The following PPP3R1 variants were observed in gnomAD, a reference collection of about 807,000 sequenced individuals.
PPP3R1 encodes protein phosphatase 3 regulatory subunit B, alpha.
In PPP3R1, 5 loss-of-function variants were observed where a neutral mutation model predicts 22.6. The observed-to-expected ratio is 0.22, with a 90% CI of 0.12 to 0.46. The LOEUF (loss-of-function observed/expected upper bound fraction) is 0.46. Among genes scored for constraint, PPP3R1 ranks in the 20% least tolerant of loss-of-function variants. The pLI, the probability that PPP3R1 is intolerant of heterozygous loss-of-function variation, is 0.99. For missense variants in PPP3R1, 61 were observed against 203.2 expected, an observed-to-expected ratio of 0.30 and a Z score of 4.25; for synonymous variants, 56 against 65.2, an observed-to-expected ratio of 0.86 and a Z score of 0.68.
chr2:68,196,199 A>G lies in PPP3R1; in HGVS notation c.44-7509T>C, dbSNP rs547059675. On this transcript the variant is annotated intron_variant, in intron 2 of 5. Transcript: ENST00000234310. ...CCTCATAGTGTTATCAACAGAAGTT[A>G]CTGAGAAGTTTTTCAACATAAAGAT... is the stretch of plus-strand genomic sequence containing the variant. Among the ~76,000 whole-genome samples, 153 of 152,344 alleles carry G rather than the reference A, an allele frequency of 1.0e-3. 1 individual carries two copies. Among genetic ancestry groups the G allele is most frequent in the South Asian group, 3.9e-3 (19 of 4,832 alleles).
At chr2:68,230,296 A>G (rs144852553) in intron 1 of PPP3R1, among the ~76,000 whole-genome samples, 1 of 152,178 alleles carries the variant, frequency 6.6e-6, no homozygotes, top group East Asian at 1.9e-4. Flanking sequence ...CCCGGCCTTC[A>G]TTTCTGTTTT....
In PPP3R1 at chr2:68,201,946, A is replaced by G. The variant is rs532993718; in HGVS notation, c.44-13256T>C. On this transcript the variant is annotated intron_variant, in intron 2 of 5. Transcript: ENST00000234310. ...TTTTAAAATTACAAAAGTTGAAACTAAACATAGATGTTCTTTCATCTAATC... is the reference window on the plus strand; with the variant it reads ...TTTTAAAATTACAAAAGTTGAAACTGAACATAGATGTTCTTTCATCTAATC... 9.5e-4 allele frequency among the ~76,000 whole-genome samples: 145 copies of G among 152,356 alleles called. 1 individual carries two copies. The highest frequency in any genetic ancestry group is 3.3e-3 in the African/African-American group (136 of 41,586).
At chr2:68,218,723 T>C (rs996260733) in intron 1 of PPP3R1, among the ~76,000 whole-genome samples, 5 of 67,042 alleles carry the variant, frequency 7.5e-5, no homozygotes, top group African/African-American at 1.5e-4. Context: ...GCACTGTCAC[T>C]GTGAGTTTTT....
At chr2:68,239,286 T>A (rs975923403) in intron 1 of PPP3R1, among the ~76,000 whole-genome samples, 7 of 152,194 alleles carry the variant, frequency 4.6e-5, no homozygotes, top group African/African-American at 1.7e-4. Flanking sequence ...AACATAAATA[T>A]GCTGGGAATA....
intron 2 of PPP3R1, among the ~76,000 whole-genome samples, chr2:68,194,013 A>G (rs1325454772): frequency 2.0e-5 from 3 of 152,036 alleles, no homozygotes; most frequent in Non-Finnish European, 4.4e-5. Context: ...TCTTTTTCAT[A>G]TGTTTTGCCA....
chr2:68,234,393 A>G (rs2103798843), intron 1 of PPP3R1, among the ~76,000 whole-genome samples: 1 of 152,284 alleles, frequency 6.6e-6, no homozygotes, highest in African/African-American at 2.4e-5. Context: ...GCAGCTGGGT[A>G]GTGGTAGAGA....
At chr2:68,244,580 T>C (rs1670199190) in intron 1 of PPP3R1, among the ~76,000 whole-genome samples, 1 of 152,162 alleles carries the variant, frequency 6.6e-6, no homozygotes, top group East Asian at 1.9e-4. Flanking sequence ...TATCCTTTCC[T>C]TTTATCCTCT....
At chr2:68,240,279 T>C (rs755871432) in intron 1 of PPP3R1, among the ~76,000 whole-genome samples, 1 of 152,196 alleles carries the variant, frequency 6.6e-6, no homozygotes, top group Non-Finnish European at 1.5e-5. Flanking sequence ...TGTCTTATAC[T>C]TCACTTCTAT....
At chr2:68,223,786 C>A in intron 1 of PPP3R1, among the ~76,000 whole-genome samples, 1 of 133,936 alleles carries the variant, frequency 7.5e-6, no homozygotes. Flanking sequence ...AAGACATCTG[C>A]ACAAATACAA....
intron 1 of PPP3R1, among the ~76,000 whole-genome samples, chr2:68,225,233 A>G (rs1669760922): frequency 6.6e-6 from 1 of 152,240 alleles, no homozygotes; most frequent in Non-Finnish European, 1.5e-5. Context: ...ACCTCTGGAT[A>G]AGATTTATCC....
chr2:68,198,279 ATG>A lies in PPP3R1; in HGVS notation c.44-9591_44-9590del, dbSNP rs1214849434. The stretch of plus-strand genomic sequence containing the variant: ...TATGTATACATACATATGTGTATGC[ATG>A]TATGTGTATACACATGTATACATGT... On this transcript the variant is annotated intron_variant, in intron 2 of 5. Transcript: ENST00000234310. Among the ~76,000 whole-genome samples, 58 of 145,924 alleles carry A rather than the reference ATG, an allele frequency of 4.0e-4. 2 individuals are homozygous for A. The South Asian group carries it at 0.012, about 30-fold the overall frequency.
chr2:68,192,938 G>T (rs6761378), intron 2 of PPP3R1, among the ~76,000 whole-genome samples: 113,293 of 152,022 alleles, frequency 0.75, 43,275 homozygotes, highest in African/African-American at 0.93. Flanking sequence ...TGCTGGAATG[G>T]CCTTGCCTGA....
chr2:68,185,443 T>A (rs1674516597), intron 5 of PPP3R1, among the ~76,000 whole-genome samples: 1 of 76,664 alleles, frequency 1.3e-5, no homozygotes, highest in African/African-American at 3.2e-5. Context: ...TTTCTTATAT[T>A]TATATTATAT....
At chr2:68,245,175 A>C (rs1320417096) in intron 1 of PPP3R1, among the ~76,000 whole-genome samples, 2 of 152,162 alleles carry the variant, frequency 1.3e-5, no homozygotes, top group African/African-American at 4.8e-5. Flanking sequence ...GTTTGAGACC[A>C]GCCTGCGCAA....
intron 2 of PPP3R1, among the ~76,000 whole-genome samples, chr2:68,211,980 G>A (rs1016636682): frequency 1.1e-4 from 17 of 152,148 alleles, no homozygotes; most frequent in African/African-American, 3.9e-4. Flanking sequence ...ATGAAGACTG[G>A]AATCAACTTC....
intron 1 of PPP3R1, among the ~76,000 whole-genome samples, chr2:68,222,525 T>C (rs371644122): frequency 3.3e-5 from 5 of 152,326 alleles, no homozygotes; most frequent in African/African-American, 4.8e-5. Flanking sequence ...AGGCAGAAGA[T>C]TGAATTAGTT....
intron 5 of PPP3R1, among the ~76,000 whole-genome samples, chr2:68,181,392 CAAAA>C (rs70949678): frequency 1.9e-5 from 2 of 107,490 alleles, no homozygotes; most frequent in African/African-American, 3.3e-5. Flanking sequence ...GACTCCATCT[CAAAA>C]AAAAAAAAAA....
At chr2:68,209,379 A>AAC in intron 2 of PPP3R1, among the ~76,000 whole-genome samples, 1 of 136,208 alleles carries the variant, frequency 7.3e-6, no homozygotes, top group South Asian at 2.3e-4. Flanking sequence ...AAAAAAAAAA[A>AAC]AAAAAAAAAA....
At chr2:68,197,854 T>C (rs914579108) in intron 2 of PPP3R1, among the ~76,000 whole-genome samples, 6 of 151,868 alleles carry the variant, frequency 4.0e-5, no homozygotes, top group Admixed American at 3.9e-4. Context: ...ATTCCTGTTT[T>C]GTGTGTACTA....
Sources: allele counts gnomAD v4.1 joint callset (sites outside exome capture counted in the v4.1 genomes callset), GRCh38; gene constraint gnomAD v4.1.1; transcripts MANE v1.5; gene names NCBI Gene and HGNC (gene_info 2026-07-23, HGNC 2026-07-21).